Variants in KCNMB2 observed in about 807,000 individuals in gnomAD.
KCNMB2 encodes potassium calcium-activated channel subfamily M regulatory beta subunit 2.
In KCNMB2, 9 loss-of-function variants were observed where a neutral mutation model predicts 24.5. The observed-to-expected ratio is 0.37, with a 90% CI of 0.22 to 0.64. The LOEUF is 0.64. Ranked by LOEUF, KCNMB2 falls within the 30% of genes least tolerant of loss-of-function variation. The pLI, the probability that KCNMB2 is intolerant of heterozygous loss-of-function variation, is 0.63. For missense variants in KCNMB2, 226 were observed against 284.3 expected (o/e 0.79, Z 1.47); for synonymous variants, 109 against 104.4 (o/e 1.04, Z -0.27).
At chr3:178,634,442 T>G (rs1719438815) in intron 1 of KCNMB2, among the ~76,000 whole-genome samples, 2 of 152,178 alleles carry the variant, frequency 1.3e-5, no homozygotes, top group East Asian at 3.9e-4. Flanking sequence ...ATGCCCTTCT[T>G]CACATGGTGG....
intron 1 of KCNMB2, among the ~76,000 whole-genome samples, chr3:178,546,208 T>C (rs978479971): frequency 1.1e-4 from 16 of 152,180 alleles, no homozygotes; most frequent in Non-Finnish European, 1.5e-4. Flanking sequence ...CAAAGAAAAC[T>C]GGCTAGAGAA....
At chr3:178,649,421 G>C (rs937129540) in intron 1 of KCNMB2, among the ~76,000 whole-genome samples, 1 of 151,822 alleles carries the variant, frequency 6.6e-6, no homozygotes, top group Non-Finnish European at 1.5e-5. Flanking sequence ...TCCATATACT[G>C]CAACAGTTCT....
At chr3:178,544,772 A>G (rs1249497986) in intron 1 of KCNMB2, among the ~76,000 whole-genome samples, 1 of 152,220 alleles carries the variant, frequency 6.6e-6, no homozygotes, top group Non-Finnish European at 1.5e-5. Context: ...ATGAGAAAAA[A>G]AATAGGCAAG....
At chr3:178,542,210 G>A (rs1715642793) in intron 1 of KCNMB2, among the ~76,000 whole-genome samples, 1 of 152,124 alleles carries the variant, frequency 6.6e-6, no homozygotes, top group South Asian at 2.1e-4. Context: ...TCCTTTTGCA[G>A]CACCGAAACT....
intron 1 of KCNMB2, among the ~76,000 whole-genome samples, chr3:178,635,545 C>T (rs1719491092): frequency 6.6e-6 from 1 of 152,098 alleles, no homozygotes; most frequent in South Asian, 2.1e-4. Flanking sequence ...AATTCTGTGT[C>T]ACAGTTTTCT....
Position 178,828,178 on chromosome 3 carries a change from C to G in KCNMB2, c.228C>G (p.Ser76Arg), listed in dbSNP as rs770772310. 1.2e-6 allele frequency: 2 copies of G among 1,611,180 alleles called. No homozygotes were observed. Among genetic ancestry groups the G allele is most frequent in the Non-Finnish European group, 1.7e-6 (2 of 1,177,810 alleles). The stretch of plus-strand genomic sequence containing the variant: ...TTTACTCTCACCCCTTTCTCTGCAG[C>G]GTGTGGACCGAAGAGTCTCAATGCA... ...GITLLRSYMQ[S>R]VWTEESQCTL... The change falls in exon 4 of 5, where the codon AGC becomes AGG. Residue 76 changes from serine to arginine, a missense_variant and splice_region_variant. Physicochemically the swap from Ser to Arg is moderately radical, Grantham distance 110. Coordinates refer to ENST00000452583, the MANE Select transcript of KCNMB2 (RefSeq NM_181361.3).
At chr3:178,537,698 A>G (rs536889093) in intron 1 of KCNMB2, among the ~76,000 whole-genome samples, 1 of 152,332 alleles carries the variant, frequency 6.6e-6, no homozygotes, top group East Asian at 1.9e-4. Flanking sequence ...AACTTGATCT[A>G]TGGTGCAAAT....
chr3:178,622,026 T>C (rs1438560425), intron 1 of KCNMB2, among the ~76,000 whole-genome samples: 1 of 152,248 alleles, frequency 6.6e-6, no homozygotes. Context: ...CTAAATTTCT[T>C]CATTTATAAA....
At chr3:178,666,595 A>G (rs763636300) in intron 1 of KCNMB2, among the ~76,000 whole-genome samples, 12 of 152,170 alleles carry the variant, frequency 7.9e-5, no homozygotes, top group Non-Finnish European at 1.5e-4. Flanking sequence ...TATGAAATAA[A>G]GGCCAAGAGG....
intron 1 of KCNMB2, among the ~76,000 whole-genome samples, chr3:178,621,864 G>C (rs1718935840): frequency 6.6e-6 from 1 of 152,164 alleles, no homozygotes; most frequent in Admixed American, 6.6e-5. Context: ...CCTACCTAGA[G>C]GGATGCTCTG....
At chr3:178,674,339 A>G (rs1380347953) in intron 1 of KCNMB2, among the ~76,000 whole-genome samples, 1 of 152,102 alleles carries the variant, frequency 6.6e-6, no homozygotes, top group Non-Finnish European at 1.5e-5. Context: ...TCATATATAT[A>G]TATATCTTTA....
At chr3:178,641,356 CAA>C (rs1159230558) in intron 1 of KCNMB2, among the ~76,000 whole-genome samples, 1 of 152,040 alleles carries the variant, frequency 6.6e-6, no homozygotes, top group Non-Finnish European at 1.5e-5. Flanking sequence ...TTGATTTTTT[CAA>C]AGAGTTTTGT....
Position 178,627,321 on chromosome 3 carries a change from C to T in KCNMB2, c.-68+90610C>T, listed in dbSNP as rs549068413. 2.6e-5 allele frequency among the ~76,000 whole-genome samples: 4 copies of T among 152,106 alleles called. No homozygotes were observed. The South Asian group carries it at 8.3e-4, about 32-fold the overall frequency. Reference sequence around the variant, plus strand: ...TTTATACTGTTATTCCATAATTTTGCCTTTGAAACAAGAATTTGAAGCCTG... The same window carrying T: ...TTTATACTGTTATTCCATAATTTTGTCTTTGAAACAAGAATTTGAAGCCTG... On this transcript the variant is annotated intron_variant, in intron 1 of 4. Coordinates refer to ENST00000452583, the MANE Select transcript of KCNMB2 (RefSeq NM_181361.3).
chr3:178,763,166 G>A (rs1711977309), intron 1 of KCNMB2, among the ~76,000 whole-genome samples: 1 of 152,104 alleles, frequency 6.6e-6, no homozygotes, highest in African/African-American at 2.4e-5. Context: ...GTGAAGATAT[G>A]AATTAATTGT....
At chr3:178,648,629 T>C (rs1167565068) in intron 1 of KCNMB2, among the ~76,000 whole-genome samples, 3 of 152,236 alleles carry the variant, frequency 2.0e-5, no homozygotes, top group Non-Finnish European at 4.4e-5. Context: ...CATTCTGTTT[T>C]TATGTAAACC....
In KCNMB2 at chr3:178,759,951, TCC is replaced by T. The variant is rs1711697131; in HGVS notation, c.-67-47391_-67-47390del. 5.7e-5 allele frequency among the ~76,000 whole-genome samples: 2 copies of T among 34,820 alleles called. 1 individual carries two copies. Among genetic ancestry groups the T allele is most frequent in the Admixed American group, 6.5e-4 (2 of 3,058 alleles). 22.8% of individuals were successfully genotyped at this position (34,820 alleles called of 152,430 possible). On this transcript the variant is annotated intron_variant, in intron 1 of 4. Coordinates refer to ENST00000452583, the MANE Select transcript of KCNMB2 (RefSeq NM_181361.3). Reference sequence around the variant, plus strand: ...GAGGATATATCTATATATATATATATCCAAGAGGATATATATATATATATATA... The same window carrying T: ...GAGGATATATCTATATATATATATATAAGAGGATATATATATATATATATA...
chr3:178,610,899 G>A (rs554035898), intron 1 of KCNMB2, among the ~76,000 whole-genome samples: 89 of 152,264 alleles, frequency 5.8e-4, no homozygotes, highest in Middle Eastern at 3.4e-3. Flanking sequence ...GTTGAGATAC[G>A]TTCCTTCTAT....
At chr3:178,660,027 C>G (rs1325028809) in intron 1 of KCNMB2, among the ~76,000 whole-genome samples, 1 of 152,098 alleles carries the variant, frequency 6.6e-6, no homozygotes, top group Non-Finnish European at 1.5e-5. Flanking sequence ...GAGTGCTAGT[C>G]TCTATATCAA....
chr3:178,719,374 T>C (rs2108356915), intron 1 of KCNMB2, among the ~76,000 whole-genome samples: 1 of 152,322 alleles, frequency 6.6e-6, no homozygotes, highest in African/African-American at 2.4e-5. Context: ...AATGCCACAT[T>C]TAACCTTGAT....
Sources: gnomAD v4.1 joint callset for allele counts (sites outside exome capture counted in the v4.1 genomes callset) on GRCh38, gnomAD v4.1.1 for gene constraint, MANE v1.5 for transcripts, NCBI Gene and HGNC (gene_info 2026-07-23, HGNC 2026-07-21) for gene names.